The following SLC2A5 variants were observed in gnomAD, a reference collection of about 807,000 sequenced individuals.
SLC2A5 encodes the protein solute carrier family 2 member 5, also known as solute carrier family 2, facilitated glucose transporter member 5.
In SLC2A5, 56 loss-of-function variants were observed where a neutral mutation model predicts 50.3. The ratio of observed to expected loss-of-function variants is 1.11; its 90% CI spans 0.90 to 1.39. The LOEUF (loss-of-function observed/expected upper bound fraction) is 1.39, where lower values mean the gene tolerates loss of function less well. SLC2A5 is among the 40% of genes most tolerant of loss of function. The probability of loss-of-function intolerance (pLI) is 0.00; values close to 1 mark genes in which losing one functional copy is unlikely to be tolerated. For missense variants in SLC2A5, 566 were observed against 650.1 expected, an observed-to-expected ratio of 0.87 and a Z score of 1.41; for synonymous variants, 269 against 281.9, an observed-to-expected ratio of 0.95 and a Z score of 0.46.
intron 1 of SLC2A5, among the ~76,000 whole-genome samples, chr1:9,087,103 A>G (rs1557687231): frequency 6.6e-6 from 1 of 152,206 alleles, no homozygotes; most frequent in Non-Finnish European, 1.5e-5. Flanking sequence ...GTAAGAGAGA[A>G]GAGCTGTCTC....
intron 2 of SLC2A5, among the ~76,000 whole-genome samples, chr1:9,077,000 G>A (rs989584900): frequency 6.6e-6 from 1 of 151,586 alleles, no homozygotes; most frequent in African/African-American, 2.4e-5. Flanking sequence ...TGTTGGCCAG[G>A]CTGGTCTCGA....
At chr1:9,079,898 CAG>C (rs1642333872) in intron 2 of SLC2A5, among the ~76,000 whole-genome samples, 2 of 152,160 alleles carry the variant, frequency 1.3e-5, no homozygotes, top group Non-Finnish European at 2.9e-5. Flanking sequence ...TGTTATGAAA[CAG>C]ATCTCCAGAA....
upstream of SLC2A5, among the ~76,000 whole-genome samples, chr1:9,091,795 T>C (rs1420871678): frequency 6.6e-6 from 1 of 152,090 alleles, no homozygotes; most frequent in Non-Finnish European, 1.5e-5. Flanking sequence ...GGATATGCCA[T>C]CATTGGAGGG....
intron 4 of SLC2A5, among the ~76,000 whole-genome samples, chr1:9,043,871 G>C (rs956772349): frequency 6.6e-6 from 1 of 151,660 alleles, no homozygotes; most frequent in Non-Finnish European, 1.5e-5. Context: ...ACAGGCGCCC[G>C]CCACCACGCC....
At chr1:9,088,014 G>A (rs1642421577) in intron 1 of SLC2A5, among the ~76,000 whole-genome samples, 1 of 152,058 alleles carries the variant, frequency 6.6e-6, no homozygotes, top group South Asian at 2.1e-4. Context: ...TTGATGGCCT[G>A]AAAATGGCAC....
At chr1:9,092,282 G>T (rs75990035), upstream of SLC2A5, among the ~76,000 whole-genome samples, 2,324 of 152,128 alleles carry the variant, frequency 0.015, 64 homozygotes, top group African/African-American at 0.053. Context: ...CACAGTGGGG[G>T]CACAATTCAA....
chr1:9,084,265 C>G (rs1362175225), intron 2 of SLC2A5, among the ~76,000 whole-genome samples: 1 of 152,180 alleles, frequency 6.6e-6, no homozygotes, highest in Non-Finnish European at 1.5e-5. Flanking sequence ...CACCTTTTTC[C>G]AGGAATCTTC....
chr1:9,058,989 C>T (rs1641831606), intron 1 of SLC2A5, among the ~76,000 whole-genome samples: 1 of 152,058 alleles, frequency 6.6e-6, no homozygotes, highest in Non-Finnish European at 1.5e-5. Flanking sequence ...CAATCACACT[C>T]CCTACCAGAG....
chr1:9,067,142 C>T (rs2124448605), intron 1 of SLC2A5, among the ~76,000 whole-genome samples: 1 of 152,310 alleles, frequency 6.6e-6, no homozygotes, highest in African/African-American at 2.4e-5. Context: ...CCCCGCATTT[C>T]TCCTTGGCTC....
chr1:9,053,203 T>TTTTA (rs1288394938), intron 3 of SLC2A5, among the ~76,000 whole-genome samples: 1 of 74,224 alleles, frequency 1.3e-5, no homozygotes, highest in Non-Finnish European at 2.3e-5. Context: ...TATTTATATA[T>TTTTA]TATATTTATA....
chr1:9,037,560 C>G lies in SLC2A5; in HGVS notation c.*26G>C, dbSNP rs145865106. 125 of 1,602,204 alleles carry G rather than the reference C, an allele frequency of 7.8e-5. 1 individual carries two copies. In the Middle Eastern group the frequency reaches 8.5e-4, roughly 11 times the overall value. On this transcript the variant is annotated 3_prime_UTR_variant, in exon 12 of 12. Coordinates refer to ENST00000377424, the MANE Select transcript of SLC2A5 (RefSeq NM_003039.3). ...CCAAAGTGGGAAGCCCCTGGCAGAC[C>G]AGCTCCACTGGCTTCCTCTCCAGAG...
At chr1:9,087,589 C>T in intron 1 of SLC2A5, among the ~76,000 whole-genome samples, 1 of 152,074 alleles carries the variant, frequency 6.6e-6, no homozygotes, top group East Asian at 1.9e-4. Flanking sequence ...ACCCAAGAGG[C>T]AGTGGGCAGC....
Position 9,038,487 on chromosome 1 carries a change from G to T in SLC2A5, c.1118C>A (p.Pro373Gln), listed in dbSNP as rs759011933. ...GATGACACAGACGATGCTGATGTAT[G>T]GCATCCAGGACACTGTGTCCTGTGG... ...LALQDTVSWM[P>Q]YISIVCVISY... is the part of the protein sequence containing the mutation. Residue 373 changes from proline to glutamine, a missense_variant, in exon 10 of 12, where the codon CCA becomes CAA. Coordinates refer to ENST00000377424, the MANE Select transcript of SLC2A5 (RefSeq NM_003039.3). The T allele has an allele frequency of 6.2e-7, 1 of 1,612,938 alleles. No homozygotes were observed. Among genetic ancestry groups the T allele is most frequent in the Non-Finnish European group, 8.5e-7 (1 of 1,179,234 alleles).
intron 2 of SLC2A5, among the ~76,000 whole-genome samples, chr1:9,075,988 C>T (rs1473898035): frequency 2.9e-5 from 4 of 138,318 alleles, no homozygotes; most frequent in African/African-American, 1.1e-4. Flanking sequence ...CGGAGTCTCA[C>T]AGTGTTGCCC....
chr1:9,086,693 G>A (rs1168433083), intron 1 of SLC2A5, among the ~76,000 whole-genome samples: 1 of 152,036 alleles, frequency 6.6e-6, no homozygotes, highest in African/African-American at 2.4e-5. Context: ...ACCTGGCTGA[G>A]GTTAGGGATT....
At chr1:9,092,903 C>T (rs2124495318), upstream of SLC2A5, among the ~76,000 whole-genome samples, 1 of 152,276 alleles carries the variant, frequency 6.6e-6, no homozygotes, top group Non-Finnish European at 1.5e-5. Context: ...TCACTCCAGA[C>T]ACATAAAGAC....
chr1:9,076,058 C>T (rs1317744965), intron 2 of SLC2A5, among the ~76,000 whole-genome samples: 1 of 151,776 alleles, frequency 6.6e-6, no homozygotes, highest in Non-Finnish European at 1.5e-5. Context: ...CAGATTCAAG[C>T]GATTCTCTTG....
rs80154831 is a variant in SLC2A5 at position 9,046,656 on chromosome 1, C to T, written c.418+954G>A. Among the ~76,000 whole-genome samples, 157 of 141,692 alleles carry T rather than the reference C, an allele frequency of 1.1e-3. 1 individual carries two copies. In the East Asian group the frequency reaches 0.031, roughly 28 times the overall value. The allele number at this position is 141,692 out of a possible 152,430, so 93.0% of individuals were successfully genotyped here. ...TACAGAAATACATTTTCCACTGCAA[C>T]CTGGTTCTCGTGTGTGTGTGTGTGT... On this transcript the variant is annotated intron_variant, in intron 4 of 11. Coordinates refer to ENST00000377424, the MANE Select transcript of SLC2A5 (RefSeq NM_003039.3).
chr1:9,080,431 C>G (rs571021935), intron 2 of SLC2A5, among the ~76,000 whole-genome samples: 1 of 152,280 alleles, frequency 6.6e-6, no homozygotes, highest in South Asian at 2.1e-4. Context: ...TTCTCACCAA[C>G]AGTATATAAG....
Sources: allele counts gnomAD v4.1 joint callset (sites outside exome capture counted in the v4.1 genomes callset), GRCh38; gene constraint gnomAD v4.1.1; transcripts MANE v1.5; gene names NCBI Gene and HGNC (gene_info 2026-07-23, HGNC 2026-07-21).